COPS4: variants seen among roughly 807,000 people sequenced by gnomAD.
The protein encoded by COPS4 is COP9 signalosome complex subunit 4.
A neutral mutation model predicts 55.1 loss-of-function variants in COPS4; 8 were observed. The ratio of observed to expected loss-of-function variants is 0.15; its 90% CI spans 0.09 to 0.26. The LOEUF is 0.26. Among genes scored for constraint, COPS4 ranks in the 10% least tolerant of loss-of-function variants. The probability of loss-of-function intolerance (pLI) is 1.00; values close to 1 mark genes in which losing one functional copy is unlikely to be tolerated. For synonymous variants in COPS4, 185 were observed against 165.7 expected (o/e 1.12, Z -0.90); for missense variants, 248 against 484.0 (o/e 0.51, Z 4.58).
intron 6 of COPS4, 163 bp from the exon 7 acceptor site, chr4:83,062,913 T>G: frequency 1.8e-6 from 1 of 544,528 alleles, no homozygotes; most frequent in Non-Finnish European, 3.1e-6. Context: ...TAGTGTTTGA[T>G]AATTCAGCGT....
chr4:83,043,451 G>A (rs1730615925), intron 1 of COPS4, among the ~76,000 whole-genome samples: 1 of 148,382 alleles, frequency 6.7e-6, no homozygotes, highest in African/African-American at 2.5e-5. Context: ...CCCAGGAATT[G>A]GAGGTTACAG....
chr4:83,055,134 G>A (rs891755417), intron 4 of COPS4, among the ~76,000 whole-genome samples: 15 of 152,144 alleles, frequency 9.9e-5, no homozygotes, highest in African/African-American at 3.6e-4. Flanking sequence ...TAAACTCTGT[G>A]TTCTTGCCAC....
Position 83,045,683 on chromosome 4 carries a change from T to C in COPS4, c.132T>C (p.Ala44=). The C allele has an allele frequency of 6.2e-7, 1 of 1,612,742 alleles. No individual in the cohort carries two copies. The highest frequency in any genetic ancestry group is 8.5e-7 in the Non-Finnish European group (1 of 1,179,182). Residue 44 remains alanine (A), a synonymous_variant, in exon 2 of 10, where the codon GCT becomes GCC. Transcript: ENST00000264389. Reference sequence around the variant, plus strand: ...TATCTGGAGCAGAACAACTAGAAGCTTTGAAAGCTTTTGTGGAAGCAAGTA... The same window carrying C: ...TATCTGGAGCAGAACAACTAGAAGCCTTGAAAGCTTTTGTGGAAGCAAGTA... ...IQLSGAEQLE[A]LKAFVEAMVN...
At chr4:83,072,000 G>A (rs1054380944) in intron 9 of COPS4, among the ~76,000 whole-genome samples, 8 of 152,112 alleles carry the variant, frequency 5.3e-5, no homozygotes, top group Admixed American at 3.9e-4. Context: ...GTGAGCTACC[G>A]CTCCTGGCTG....
At chr4:83,051,101 A>T (rs1192162544) in intron 4 of COPS4, among the ~76,000 whole-genome samples, 1 of 149,406 alleles carries the variant, frequency 6.7e-6, no homozygotes, top group South Asian at 2.1e-4. Flanking sequence ...TCTCCACCAA[A>T]AAAAAAAAAA....
chr4:83,056,861 C>T (rs760845308), intron 4 of COPS4, 65 bp from the exon 5 acceptor site: 36 of 1,312,630 alleles, frequency 2.7e-5, no homozygotes, highest in Non-Finnish European at 3.1e-5. Flanking sequence ...AACATATCTT[C>T]TATTATTCCT....
intron 4 of COPS4, among the ~76,000 whole-genome samples, chr4:83,053,316 T>A (rs1263579260): frequency 6.6e-6 from 1 of 152,188 alleles, no homozygotes; most frequent in Non-Finnish European, 1.5e-5. Flanking sequence ...AATTTTTGCC[T>A]AACAAGTATG....
At chr4:83,036,060 C>T (rs1730407942) in intron 1 of COPS4, 1 of 152,186 alleles carries the variant, frequency 6.6e-6, no homozygotes, top group Non-Finnish European at 1.5e-5. Flanking sequence ...TTCATTTTCT[C>T]TTTGTAGATG....
Position 83,056,931 on chromosome 4 carries a change from A to C in COPS4, c.416A>C (p.Tyr139Ser). The change falls in exon 5 of 10, where the codon TAC becomes TCC. Residue 139 changes from tyrosine to serine, a missense_variant. This residue lies in a region of COPS4 where 155 missense variants were observed against 326.6 expected (regional missense o/e 0.47). Coordinates refer to ENST00000264389, the MANE Select transcript of COPS4 (RefSeq NM_016129.3). ...GIPLETGQKQ[Y>S]NVDYKLETYL... ...GTTTTTCTGTTACATCCTAGACAGT[A>C]CAATGTAGATTATAAACTGGAGACT... 1 of 1,611,792 alleles carries C rather than the reference A, an allele frequency of 6.2e-7. No individual in the cohort carries two copies. The highest frequency in any genetic ancestry group is 8.5e-7 in the Non-Finnish European group (1 of 1,178,224).
intron 1 of COPS4, chr4:83,035,512 A>G (rs6535427): frequency 0.99 from 385,915 of 388,804 alleles, 191,588 homozygotes; most frequent in East Asian, 1. Context: ...ATAGACTTGA[A>G]ATGATTGTCA....
intron 4 of COPS4, among the ~76,000 whole-genome samples, chr4:83,054,108 T>G (rs886674892): frequency 1.3e-5 from 2 of 152,098 alleles, no homozygotes; most frequent in Admixed American, 1.3e-4. Flanking sequence ...TTTGGGAGGC[T>G]GAGGCAGGCG....
At chr4:83,063,979 C>T (rs1017630985) in intron 7 of COPS4, among the ~76,000 whole-genome samples, 21 of 152,158 alleles carry the variant, frequency 1.4e-4, no homozygotes, top group African/African-American at 4.8e-4. Flanking sequence ...AGATTACAGG[C>T]GTGAGCCACA....
chr4:83,071,292 C>T (rs1731422888), intron 9 of COPS4, among the ~76,000 whole-genome samples: 1 of 152,170 alleles, frequency 6.6e-6, no homozygotes, highest in Non-Finnish European at 1.5e-5. Flanking sequence ...GTTGAATAAA[C>T]AAACACAGCA....
chr4:83,065,766 T>C (rs915271658), intron 7 of COPS4, among the ~76,000 whole-genome samples: 24 of 152,222 alleles, frequency 1.6e-4, no homozygotes, highest in African/African-American at 5.3e-4. Flanking sequence ...GCTCCTGGAG[T>C]TCCCAAAAGA....
In COPS4 at chr4:83,075,534, C is replaced by G; in HGVS notation, c.*104C>G. ...ATCATGACCTTATACATTTCAATCC[C>G]TTTTATGCTGGATTCCGTTTAAAGA... is the stretch of plus-strand genomic sequence containing the variant. On this transcript the variant is annotated 3_prime_UTR_variant, in exon 10 of 10. Transcript: ENST00000264389. 15 of 1,285,780 alleles carry G rather than the reference C, an allele frequency of 1.2e-5. No homozygotes were observed. Among genetic ancestry groups the G allele is most frequent in the Non-Finnish European group, 1.6e-5 (15 of 931,860 alleles). 79.6% of individuals were successfully genotyped at this position (1,285,780 alleles called of 1,614,324 possible).
At chr4:83,065,329 T>G (rs1731269833) in intron 7 of COPS4, among the ~76,000 whole-genome samples, 1 of 152,160 alleles carries the variant, frequency 6.6e-6, no homozygotes, top group Non-Finnish European at 1.5e-5. Context: ...TGAGACAATG[T>G]AGGATAAAAA....
chr4:83,067,273 G>C (rs184497315), intron 8 of COPS4, among the ~76,000 whole-genome samples: 3 of 151,656 alleles, frequency 2.0e-5, no homozygotes, highest in Non-Finnish European at 4.4e-5. Context: ...ACGGACTGTA[G>C]CTCTGTTGCC....
Position 83,057,051 on chromosome 4 carries a change from C to G in COPS4, c.536C>G (p.Thr179Ser), listed in dbSNP as rs1443467460. 3.7e-6 allele frequency: 6 copies of G among 1,613,750 alleles called. No homozygotes were observed. The highest frequency in any genetic ancestry group is 5.1e-6 in the Non-Finnish European group (6 of 1,179,882). ...GCATCGTTGCTTCAGAATGAATCAA[C>G]CAATGAACAATTACAGATACATTAT... ...NRASLLQNES[T>S]NEQLQIHYKV... The change falls in exon 5 of 10, where the codon ACC becomes AGC. Residue 179 changes from threonine (T) to serine (S), a missense_variant. By Grantham distance (58) the Thr-to-Ser change is moderately conservative. Around this residue, in one of 4 missense-constraint regions of COPS4, gnomAD observed 155 missense variants for 326.6 expected, o/e 0.47. Transcript: ENST00000264389.
At chr4:83,049,712 T>G (rs184918544) in intron 3 of COPS4, among the ~76,000 whole-genome samples, 169 bp from the exon 4 acceptor site, 1 of 152,218 alleles carries the variant, frequency 6.6e-6, no homozygotes, top group Non-Finnish European at 1.5e-5. Context: ...TAGTTTGATA[T>G]TCTGTAAATG....
Sources: allele counts gnomAD v4.1 joint callset (sites outside exome capture counted in the v4.1 genomes callset), GRCh38; gene constraint gnomAD v4.1.1; regional missense constraint gnomAD v4.1.1; transcripts MANE v1.5; gene names NCBI Gene and HGNC (gene_info 2026-07-23, HGNC 2026-07-21).